RFC3: variants seen among roughly 807,000 people sequenced by gnomAD.
RFC3 encodes A1 38 kDa subunit.
Under a neutral mutation model 45.1 loss-of-function variants are expected in RFC3, and 41 were observed. That is an observed-to-expected ratio of 0.91 (90% CI 0.71 to 1.18). RFC3 has a LOEUF of 1.18. Ranked by LOEUF, RFC3 falls within the 50% of genes most tolerant of loss-of-function variation. The pLI is 0.00. For synonymous variants in RFC3, 149 were observed against 144.0 expected (o/e 1.03, Z -0.25); for missense variants, 423 against 428.1 (o/e 0.99, Z 0.10).
At chr13:33,885,512 C>G (rs1055743924) in intron 8 of RFC3, among the ~76,000 whole-genome samples, 1 of 152,084 alleles carries the variant, frequency 6.6e-6, no homozygotes, top group Non-Finnish European at 1.5e-5. Context: ...ATCTAGGTTT[C>G]ATTATTTAAT....
intron 8 of RFC3, among the ~76,000 whole-genome samples, chr13:33,928,796 A>G (rs1227697085): frequency 2.6e-5 from 4 of 151,384 alleles, no homozygotes; most frequent in Non-Finnish European, 5.9e-5. Context: ...TATGTCTGTT[A>G]CAGCAAATAC....
At chr13:33,942,339 G>A (rs2082929931) in intron 8 of RFC3, among the ~76,000 whole-genome samples, 1 of 151,750 alleles carries the variant, frequency 6.6e-6, no homozygotes, top group African/African-American at 2.4e-5. Flanking sequence ...TAATTCTTAC[G>A]AGTACATAAT....
Position 33,818,603 on chromosome 13 carries a change from G to A in RFC3, c.87+338G>A, listed in dbSNP as rs545598237. 1.9e-4 allele frequency among the ~76,000 whole-genome samples: 29 copies of A among 152,362 alleles called. No individual in the cohort carries two copies. In the South Asian group the frequency reaches 5.8e-3, roughly 30 times the overall value. ...CGGCATGTTCTAAGAACCTCAGGAGGCCGGCGTAGCCGATAGTGGTGAACC... is the reference window on the plus strand; with the variant it reads ...CGGCATGTTCTAAGAACCTCAGGAGACCGGCGTAGCCGATAGTGGTGAACC... On this transcript the variant is annotated intron_variant, in intron 1 of 8. Coordinates refer to ENST00000380071, the MANE Select transcript of RFC3 (RefSeq NM_002915.4).
chr13:33,965,620 T>C (rs2083083664), intron 8 of RFC3, among the ~76,000 whole-genome samples: 1 of 152,168 alleles, frequency 6.6e-6, no homozygotes, highest in Non-Finnish European at 1.5e-5. Context: ...CTATATATTA[T>C]TGTTATTGCA....
chr13:33,866,449 T>A (rs1379662259), intron 8 of RFC3, among the ~76,000 whole-genome samples: 1 of 152,242 alleles, frequency 6.6e-6, no homozygotes, highest in Non-Finnish European at 1.5e-5. Context: ...GTTCTTTGAT[T>A]GGAAGCTCAC....
At chr13:33,899,204 C>CAAAAAAAAAAAAAAAAAAAAAA (rs59221382) in intron 8 of RFC3, among the ~76,000 whole-genome samples, 46 of 51,978 alleles carry the variant, frequency 8.8e-4, no homozygotes, top group African/African-American at 1.1e-3. Context: ...CACAATAAGA[C>CAAAAAAAAAAAAAAAAAAAAAA]AAAAAAAAAA....
chr13:33,966,484 T>C (rs1372405672), exon 9 of RFC3: 3 of 260,594 alleles, frequency 1.2e-5, no homozygotes, highest in African/African-American at 6.4e-5. Flanking sequence ...CTGGTACCTA[T>C]TTGTCATGTA....
At chr13:33,821,995 C>T (rs2082007923) in intron 2 of RFC3, among the ~76,000 whole-genome samples, 1 of 152,060 alleles carries the variant, frequency 6.6e-6, no homozygotes, top group Admixed American at 6.6e-5. Context: ...ATTTTCATAT[C>T]CTTCATATCT....
chr13:33,819,224 T>G (rs2081979352), intron 1 of RFC3, among the ~76,000 whole-genome samples: 1 of 152,152 alleles, frequency 6.6e-6, no homozygotes, highest in South Asian at 2.1e-4. Context: ...TCCTCTCCCC[T>G]CTATCCTGAT....
At chr13:33,883,379 C>T (rs892308908) in intron 8 of RFC3, among the ~76,000 whole-genome samples, 1 of 152,154 alleles carries the variant, frequency 6.6e-6, no homozygotes. Flanking sequence ...AAATATTTCT[C>T]ACCTTTCCTT....
intron 8 of RFC3, among the ~76,000 whole-genome samples, chr13:33,892,332 C>G (rs1269274672): frequency 6.6e-6 from 1 of 152,090 alleles, no homozygotes; most frequent in African/African-American, 2.4e-5. Context: ...ATGTGGGTCC[C>G]TCATATGTTA....
chr13:33,969,425 G>A (rs188901039), downstream of RFC3, among the ~76,000 whole-genome samples: 1 of 152,176 alleles, frequency 6.6e-6, no homozygotes, highest in African/African-American at 2.4e-5. Flanking sequence ...CCAAAGAGTA[G>A]ACTAAATAAG....
At chr13:33,828,506 T>G (rs1465029628) in intron 4 of RFC3, among the ~76,000 whole-genome samples, 1 of 152,200 alleles carries the variant, frequency 6.6e-6, no homozygotes, top group Non-Finnish European at 1.5e-5. Flanking sequence ...ACCCATAAAT[T>G]GGGCTCTGTC....
intron 8 of RFC3, among the ~76,000 whole-genome samples, chr13:33,942,300 T>A (rs979902454): frequency 1.3e-5 from 2 of 152,074 alleles, no homozygotes. Context: ...AGACTGAAGG[T>A]ATTATTTTAT....
intron 8 of RFC3, among the ~76,000 whole-genome samples, chr13:33,888,827 T>C (rs1362013861): frequency 6.6e-6 from 1 of 150,870 alleles, no homozygotes; most frequent in African/African-American, 2.4e-5. Context: ...CTCACTGCAA[T>C]GTCCACCTCC....
At chr13:33,824,113 TA>T in intron 3 of RFC3, 129 bp downstream of exon 3, 1 of 523,666 alleles carries the variant, frequency 1.9e-6, no homozygotes, top group Non-Finnish European at 3.4e-6. Flanking sequence ...TAAAACAGAC[TA>T]AAGTGGAGCT....
At chr13:33,955,669 G>T (rs2083017644) in intron 8 of RFC3, among the ~76,000 whole-genome samples, 1 of 152,122 alleles carries the variant, frequency 6.6e-6, no homozygotes, top group Non-Finnish European at 1.5e-5. Context: ...GAAAGTGATT[G>T]AACTTAAACA....
intron 8 of RFC3, among the ~76,000 whole-genome samples, chr13:33,880,631 A>G (rs2082476703): frequency 6.6e-6 from 1 of 152,226 alleles, no homozygotes; most frequent in Non-Finnish European, 1.5e-5. Flanking sequence ...CAACAGCCAC[A>G]TGGTGCTAGT....
intron 8 of RFC3, among the ~76,000 whole-genome samples, chr13:33,938,619 G>A (rs775299040): frequency 6.6e-6 from 1 of 152,008 alleles, no homozygotes; most frequent in Non-Finnish European, 1.5e-5. Flanking sequence ...ATATATTTGT[G>A]ATTTCTTCAT....
Sources: allele counts gnomAD v4.1 joint callset (sites outside exome capture counted in the v4.1 genomes callset), GRCh38; gene constraint gnomAD v4.1.1; transcripts MANE v1.5; gene names NCBI Gene and HGNC (gene_info 2026-07-23, HGNC 2026-07-21).